The following PGR variants were observed in gnomAD, a reference collection of about 807,000 sequenced individuals.
PGR encodes the protein progesterone receptor, also known as nuclear receptor subfamily 3 group C member 3.
PGR carries 25 observed loss-of-function variants against 76.1 expected under a neutral mutation model. The observed-to-expected ratio is 0.33, with a 90% CI of 0.24 to 0.46. PGR has a LOEUF of 0.46. PGR is among the 20% of genes least tolerant of loss of function. PGR has a pLI of 1.00. For missense variants in PGR, 1,172 were observed against 1,225.3 expected (o/e 0.96, Z 0.65); for synonymous variants, 579 against 535.0 (o/e 1.08, Z -1.14).
chr11:101,128,902 C>T lies in PGR; in HGVS notation c.169G>A (p.Gly57Arg), dbSNP rs3740754. 9 of 1,613,960 alleles carry T rather than the reference C, an allele frequency of 5.6e-6. No individual in the cohort carries two copies. The highest frequency in any genetic ancestry group is 3.3e-5 in the Admixed American group (2 of 60,030). ...EVSAIPISLD[G>R]LLFPRPCQGQ... Reference sequence around the variant, plus strand: ...TGGCAGGGCCGAGGGAAGAGTAGCCCGTCCAGGGAGATAGGTATGGCCGAA... The same window carrying T: ...TGGCAGGGCCGAGGGAAGAGTAGCCTGTCCAGGGAGATAGGTATGGCCGAA... Residue 57 changes from glycine (G) to arginine (R), a missense_variant, in exon 1 of 8, where the codon GGG becomes AGG. Gly to Arg is a moderately radical substitution (Grantham distance 125). This residue lies in a region of PGR where 893 missense variants were observed against 785.9 expected (regional missense o/e 1.14). Transcript: ENST00000325455.
At position 101,128,309 on chromosome 11, in the gene PGR, C is replaced by T; in HGVS notation, c.762G>A (p.Ala254=). 6.3e-7 allele frequency: 1 copy of T among 1,594,124 alleles called. No individual in the cohort carries two copies. Among genetic ancestry groups the T allele is most frequent in the East Asian group, 2.2e-5 (1 of 44,484 alleles). The change falls in exon 1 of 8, where the codon GCG becomes GCA. Residue 254 remains alanine, a synonymous_variant. Coordinates refer to ENST00000325455, the MANE Select transcript of PGR (RefSeq NM_000926.4). ...CTGCTGCCGCCCCCGGCGGGACAGCCGCGGCTCCTCCTCCAGCCGCCGCGC... is the reference window on the plus strand; with the variant it reads ...CTGCTGCCGCCCCCGGCGGGACAGCTGCGGCTCCTCCTCCAGCCGCCGCGC... ...LGGAAAGGGA[A]AVPPGAAAGG...
intron 7 of PGR, 86 bp downstream of exon 7, chr11:101,041,859 C>T (rs2135379612): frequency 2.5e-6 from 3 of 1,206,996 alleles, no homozygotes; most frequent in South Asian, 1.3e-5. Context: ...GAAAATCATA[C>T]AAAGTAAAAT....
intron 3 of PGR, among the ~76,000 whole-genome samples, chr11:101,087,786 A>G (rs12802554): frequency 0.16 from 23,597 of 152,074 alleles, 2,394 homozygotes; most frequent in Non-Finnish European, 0.23. Flanking sequence ...TTGAACAGAC[A>G]TTTCTCAAAA....
rs778346200 is a variant in PGR, at chr11:101,127,612, C to T, written c.1459G>A (p.Gly487Ser). Reference sequence around the variant, plus strand: ...AGGCCGTCCCGCGGGAGCAGGCAGCCGCTCGCGCCCGGCGCCTTGCAGGGC... The same window carrying T: ...AGGCCGTCCCGCGGGAGCAGGCAGCTGCTCGCGCCCGGCGCCTTGCAGGGC... ...PPPCKAPGAS[G>S]CLLPRDGLPS... The change falls in exon 1 of 8, where the codon GGC (glycine) becomes AGC (serine). Residue 487 changes from glycine (G) to serine (S), a missense_variant. Coordinates refer to ENST00000325455, the MANE Select transcript of PGR (RefSeq NM_000926.4). The T allele has an allele frequency of 1.8e-5, 23 of 1,304,226 alleles. 1 individual carries two copies. In the South Asian group the frequency reaches 3.1e-4, roughly 17 times the overall value. 80.8% of individuals were successfully genotyped at this position (1,304,226 alleles called of 1,614,324 possible).
At chr11:101,090,932 G>A (rs1333708689) in intron 3 of PGR, among the ~76,000 whole-genome samples, 1 of 152,146 alleles carries the variant, frequency 6.6e-6, no homozygotes, top group Non-Finnish European at 1.5e-5. Context: ...AACGTCCATG[G>A]AACACAAGCT....
chr11:101,066,371 C>T (rs1860715132), intron 3 of PGR, among the ~76,000 whole-genome samples: 1 of 152,154 alleles, frequency 6.6e-6, no homozygotes. Flanking sequence ...TTCTTGTAGT[C>T]ACTCTTTCAG....
chr11:101,071,416 TCTC>T (rs1464157530), intron 3 of PGR, among the ~76,000 whole-genome samples: 1 of 151,870 alleles, frequency 6.6e-6, no homozygotes, highest in Non-Finnish European at 1.5e-5. Context: ...GAATGCCTCT[TCTC>T]CTCCAAAAGA....
chr11:101,106,446 G>A (rs1416776874), intron 2 of PGR, among the ~76,000 whole-genome samples: 1 of 152,154 alleles, frequency 6.6e-6, no homozygotes, highest in Non-Finnish European at 1.5e-5. Flanking sequence ...CATTTATGCA[G>A]CCGACAGACA....
chr11:101,080,697 T>C (rs548517089), intron 3 of PGR, among the ~76,000 whole-genome samples: 19 of 152,166 alleles, frequency 1.2e-4, no homozygotes, highest in African/African-American at 3.1e-4. Context: ...AGGAAGTTCA[T>C]TGTAATCAAA....
chr11:101,099,870 C>T (rs1251772650), intron 2 of PGR, among the ~76,000 whole-genome samples: 3 of 152,182 alleles, frequency 2.0e-5, no homozygotes, highest in Admixed American at 6.5e-5. Flanking sequence ...TCTCTTCCCA[C>T]ACGTTGGCCC....
At chr11:101,070,366 G>A (rs1860885154) in intron 3 of PGR, among the ~76,000 whole-genome samples, 1 of 152,114 alleles carries the variant, frequency 6.6e-6, no homozygotes, top group Admixed American at 6.5e-5. Flanking sequence ...AAATCACCAG[G>A]GCCCTGGGTT....
At chr11:101,122,032 G>A (rs374305906) in intron 2 of PGR, among the ~76,000 whole-genome samples, 23 of 151,500 alleles carry the variant, frequency 1.5e-4, no homozygotes, top group Non-Finnish European at 2.8e-4. Context: ...GGGGGCACCC[G>A]TAGTCCCAGC....
chr11:101,033,671 T>C lies in PGR; in HGVS notation c.*5445A>G, dbSNP rs2135368237. On this transcript the variant is annotated 3_prime_UTR_variant, in exon 8 of 8. Transcript: ENST00000325455. The stretch of plus-strand genomic sequence containing the variant: ...GAAGTACAGTTTGGTGGATAGATAC[T>C]TCAAGGTATAGACTTTTCTGGGGGA... 4.9e-6 allele frequency: 1 copy of C among 202,304 alleles called. No individual in the cohort carries two copies. The highest frequency in any genetic ancestry group is 2.3e-5 in the African/African-American group (1 of 43,744). 12.5% of individuals were successfully genotyped at this position (202,304 alleles called of 1,614,324 possible). A position where few individuals can be genotyped will look rare whatever the true frequency, so the allele number is the denominator to read the frequency against.
At chr11:101,059,923 C>T (rs1860433162) in intron 4 of PGR, among the ~76,000 whole-genome samples, 1 of 150,360 alleles carries the variant, frequency 6.7e-6, no homozygotes, top group Non-Finnish European at 1.5e-5. Context: ...TATAAACTAC[C>T]ATTATTATAA....
At chr11:101,126,959 T>C (rs937883660) in intron 1 of PGR, 3 of 152,424 alleles carry the variant, frequency 2.0e-5, no homozygotes, top group African/African-American at 7.2e-5. Context: ...ACCTCTCAAG[T>C]CCCACCCCTC....
chr11:101,047,706 T>C (rs969306886), intron 6 of PGR, among the ~76,000 whole-genome samples: 1 of 152,118 alleles, frequency 6.6e-6, no homozygotes, highest in Non-Finnish European at 1.5e-5. Context: ...GTGGTTGTCA[T>C]AGAAATCACA....
intron 5 of PGR, 58 bp downstream of exon 5, chr11:101,051,366 T>C (rs1333646631): frequency 2.6e-6 from 3 of 1,160,330 alleles, no homozygotes; most frequent in Non-Finnish European, 3.9e-6. Context: ...AATATAACTT[T>C]CAAAATTATC....
intron 2 of PGR, among the ~76,000 whole-genome samples, chr11:101,119,646 G>A (rs865994398): frequency 1.8e-4 from 27 of 152,240 alleles, no homozygotes; most frequent in African/African-American, 6.5e-4. Flanking sequence ...GGTTGGCTGA[G>A]AATCCTTTGT....
In PGR at chr11:101,046,292, A is replaced by ATTTTTTTTTTTT. The variant is rs540943297; in HGVS notation, c.2488+3625_2488+3636dup. 3.9e-4 allele frequency among the ~76,000 whole-genome samples: 26 copies of ATTTTTTTTTTTT among 66,290 alleles called. 2 individuals carry two copies. Among genetic ancestry groups the ATTTTTTTTTTTT allele is most frequent in the Non-Finnish European group, 6.0e-4 (24 of 39,678 alleles). 43.5% of individuals were successfully genotyped at this position (66,290 alleles called of 152,430 possible). A position where few individuals can be genotyped will look rare whatever the true frequency, so the allele number is the denominator to read the frequency against. On this transcript the variant is annotated intron_variant, in intron 6 of 7. Transcript: ENST00000325455. ...AGGCACTTGCCACTACGCCTGGCTA[A>ATTTTTTTTTTTT]TTTTTTTTTTTTTTTTTTTTTTTTT...
Sources: allele counts gnomAD v4.1 joint callset (sites outside exome capture counted in the v4.1 genomes callset), GRCh38; gene constraint gnomAD v4.1.1; regional missense constraint gnomAD v4.1.1; transcripts MANE v1.5; gene names NCBI Gene and HGNC (gene_info 2026-07-23, HGNC 2026-07-21).